Variants in LDB2 observed in about 807,000 individuals in gnomAD.
The protein encoded by LDB2 is LIM domain binding 2, also known as LIM domain-binding protein 2.
In LDB2, 12 loss-of-function variants were observed where a neutral mutation model predicts 44.3. That is an observed-to-expected ratio of 0.27 (90% confidence interval 0.17 to 0.44). The LOEUF (loss-of-function observed/expected upper bound fraction) is 0.44. LDB2 is among the 20% of genes least tolerant of loss of function. LDB2 has a pLI of 1.00. For missense variants in LDB2, 344 were observed against 473.5 expected (o/e 0.73, Z 2.54); for synonymous variants, 164 against 174.8 (o/e 0.94, Z 0.49).
intron 2 of LDB2, among the ~76,000 whole-genome samples, chr4:16,703,728 A>G (rs1753996485): frequency 6.6e-6 from 1 of 152,216 alleles, no homozygotes; most frequent in African/African-American, 2.4e-5. Context: ...TCACATATAG[A>G]AAGCCTAGCA....
intron 3 of LDB2, among the ~76,000 whole-genome samples, chr4:16,595,323 T>G (rs1242180804): frequency 6.6e-6 from 1 of 152,154 alleles, no homozygotes; most frequent in Non-Finnish European, 1.5e-5. Flanking sequence ...CTCTAAAAAG[T>G]TATTTCAGTA....
intron 7 of LDB2, chr4:16,506,053 G>A (rs1186418437): frequency 2.4e-5 from 36 of 1,494,476 alleles, no homozygotes; most frequent in Admixed American, 1.8e-4. Flanking sequence ...CATCGCTGCC[G>A]CAGCAGCTAC....
chr4:16,519,373 C>A (rs1489044554), intron 5 of LDB2, among the ~76,000 whole-genome samples: 1 of 151,520 alleles, frequency 6.6e-6, no homozygotes, highest in East Asian at 2.0e-4. Flanking sequence ...CAAGGCAGTA[C>A]AGCTATTTGA....
chr4:16,524,717 C>T (rs187168903), intron 5 of LDB2, among the ~76,000 whole-genome samples: 29 of 152,284 alleles, frequency 1.9e-4, no homozygotes, highest in African/African-American at 6.5e-4. Context: ...ATGTGTCAAA[C>T]GCAATATTGC....
At chr4:16,766,631 G>A (rs1055493030) in intron 1 of LDB2, among the ~76,000 whole-genome samples, 4 of 151,364 alleles carry the variant, frequency 2.6e-5, no homozygotes, top group East Asian at 3.9e-4. Flanking sequence ...TCAGCCACGC[G>A]AGTAGCTGGG....
rs942681756 is a variant in LDB2 at position 16,502,514 on chromosome 4, T to A, written c.*129A>T. The A allele has an allele frequency of 2.7e-5, 33 of 1,210,042 alleles. No individual in the cohort carries two copies. The East Asian group carries it at 7.8e-4, about 29-fold the overall frequency. The allele number at this position is 1,210,042 out of a possible 1,614,324, so 75.0% of individuals were successfully genotyped here. On this transcript the variant is annotated 3_prime_UTR_variant, in exon 8 of 8. Transcript: ENST00000304523. ...GAAAGAAGAAAGAAAATCAGATCATTGTGGTTTAGAAATAGATATTTGCAT... is the reference window on the plus strand; with the variant it reads ...GAAAGAAGAAAGAAAATCAGATCATAGTGGTTTAGAAATAGATATTTGCAT...
intron 2 of LDB2, among the ~76,000 whole-genome samples, chr4:16,653,233 T>A (rs1442750473): frequency 6.6e-6 from 1 of 152,160 alleles, no homozygotes; most frequent in Non-Finnish European, 1.5e-5. Context: ...ACTTGCACCC[T>A]CTTTTTCATT....
intron 5 of LDB2, among the ~76,000 whole-genome samples, chr4:16,559,616 G>A (rs1472265370): frequency 1.3e-5 from 2 of 152,058 alleles, no homozygotes; most frequent in Admixed American, 1.3e-4. Flanking sequence ...CAATAATAAT[G>A]GGAGACTTTA....
intron 1 of LDB2, among the ~76,000 whole-genome samples, chr4:16,887,164 G>C (rs1403240286): frequency 6.7e-6 from 1 of 148,982 alleles, no homozygotes; most frequent in Non-Finnish European, 1.5e-5. Context: ...TGGTAAGTGT[G>C]TTTGGATTTA....
chr4:16,572,287 C>G (rs578240524), intron 5 of LDB2, among the ~76,000 whole-genome samples: 1 of 152,130 alleles, frequency 6.6e-6, no homozygotes, highest in African/African-American at 2.4e-5. Flanking sequence ...CTGGGAGCAA[C>G]AGATCTGAGC....
chr4:16,737,453 T>C (rs576965873), intron 2 of LDB2, among the ~76,000 whole-genome samples: 1 of 152,266 alleles, frequency 6.6e-6, no homozygotes, highest in South Asian at 2.1e-4. Flanking sequence ...GAATTTATTC[T>C]AATAAAGAAA....
chr4:16,764,232 C>G (rs1456986572), intron 1 of LDB2, among the ~76,000 whole-genome samples: 2 of 152,150 alleles, frequency 1.3e-5, no homozygotes, highest in African/African-American at 4.8e-5. Context: ...CCCCCTCCAA[C>G]CTTTCGGAGT....
intron 5 of LDB2, among the ~76,000 whole-genome samples, chr4:16,558,582 G>T (rs1036253985): frequency 6.6e-6 from 1 of 152,240 alleles, no homozygotes; most frequent in Non-Finnish European, 1.5e-5. Context: ...ATCTACGTCT[G>T]ATTGGTGTAC....
intron 2 of LDB2, among the ~76,000 whole-genome samples, chr4:16,686,629 A>AAGGC (rs1749321813): frequency 6.6e-6 from 1 of 152,230 alleles, no homozygotes; most frequent in Non-Finnish European, 1.5e-5. Context: ...GAAGATGAAT[A>AAGGC]AGGCAGAGAG....
At chr4:16,805,696 A>G (rs1361501085) in intron 1 of LDB2, among the ~76,000 whole-genome samples, 1 of 152,204 alleles carries the variant, frequency 6.6e-6, no homozygotes, top group Non-Finnish European at 1.5e-5. Context: ...AGGAGAGAAA[A>G]TGCCAGGATA....
At chr4:16,652,651 C>G (rs1738629734) in intron 2 of LDB2, among the ~76,000 whole-genome samples, 1 of 152,186 alleles carries the variant, frequency 6.6e-6, no homozygotes, top group Non-Finnish European at 1.5e-5. Flanking sequence ...AGATCAAAAG[C>G]CGTCTGTCTG....
chr4:16,681,114 T>G (rs1412793477), intron 2 of LDB2, among the ~76,000 whole-genome samples: 2 of 152,154 alleles, frequency 1.3e-5, no homozygotes, highest in Non-Finnish European at 2.9e-5. Context: ...ATTTTTGAAG[T>G]GGGAAATTTA....
chr4:16,757,315 A>G (rs1037822549), intron 2 of LDB2, among the ~76,000 whole-genome samples: 1 of 152,204 alleles, frequency 6.6e-6, no homozygotes, highest in African/African-American at 2.4e-5. Flanking sequence ...AAGACCGTCA[A>G]TCATCTTTGT....
At chr4:16,755,047 G>T (rs1282812168) in intron 2 of LDB2, among the ~76,000 whole-genome samples, 1 of 152,140 alleles carries the variant, frequency 6.6e-6, no homozygotes, top group Non-Finnish European at 1.5e-5. Flanking sequence ...TTCCGAATGA[G>T]ATGTGAACCA....
Sources: gnomAD v4.1 joint callset for allele counts (sites outside exome capture counted in the v4.1 genomes callset) on GRCh38, gnomAD v4.1.1 for gene constraint, MANE v1.5 for transcripts, NCBI Gene and HGNC (gene_info 2026-07-23, HGNC 2026-07-21) for gene names.